Variants in SMOC2 observed in about 807,000 individuals in gnomAD.
The protein encoded by SMOC2 is SPARC related modular calcium binding 2, also known as SPARC-related modular calcium-binding protein 2.
SMOC2 carries 39 observed loss-of-function variants against 61.4 expected under a neutral mutation model. The ratio of observed to expected loss-of-function variants is 0.64; its 90% CI spans 0.49 to 0.83. The LOEUF is 0.83. SMOC2 is among the 40% of genes least tolerant of loss of function. The probability of loss-of-function intolerance (pLI) is 0.00; values close to 1 mark genes in which losing one functional copy is unlikely to be tolerated. For missense variants in SMOC2, 556 were observed against 592.9 expected (o/e 0.94, Z 0.65); for synonymous variants, 247 against 239.9 (o/e 1.03, Z -0.27).
intron 9 of SMOC2, among the ~76,000 whole-genome samples, chr6:168,639,514 C>G (rs1342619769): frequency 1.3e-5 from 2 of 152,108 alleles, no homozygotes; most frequent in Non-Finnish European, 2.9e-5. Context: ...TGGGAACATT[C>G]CAGATCTTTT....
At position 168,527,778 on chromosome 6, in the gene SMOC2, C is replaced by G. The variant is rs972722267; in HGVS notation, c.463+51C>G. ...GGAAGGCTTGAAGGGAATTGGTTTG[C>G]CGTTTCTTCTCATCATCTTCCCTGG... is the stretch of plus-strand genomic sequence containing the variant. On this transcript the variant is annotated intron_variant, in intron 4 of 12. Transcript: ENST00000356284. The G allele has an allele frequency of 1.2e-5, 15 of 1,246,954 alleles. No individual in the cohort carries two copies. In the African/African-American group the frequency reaches 1.8e-4, roughly 15 times the overall value. 77.2% of individuals were successfully genotyped at this position (1,246,954 alleles called of 1,614,324 possible). A position where few individuals can be genotyped will look rare whatever the true frequency, so the allele number is the denominator to read the frequency against.
At chr6:168,504,147 C>A (rs1782807344) in intron 1 of SMOC2, among the ~76,000 whole-genome samples, 1 of 152,004 alleles carries the variant, frequency 6.6e-6, no homozygotes, top group Non-Finnish European at 1.5e-5. Context: ...GCTCACATGG[C>A]TTCTCATCCA....
chr6:168,459,118 G>A (rs1583031251), intron 1 of SMOC2, among the ~76,000 whole-genome samples: 1 of 152,176 alleles, frequency 6.6e-6, no homozygotes, highest in Admixed American at 6.5e-5. Flanking sequence ...TGCAGATGAG[G>A]AACTTGAGAC....
chr6:168,655,256 T>G (rs572074356), intron 11 of SMOC2: 1 of 381,148 alleles, frequency 2.6e-6, no homozygotes, highest in Non-Finnish European at 5.3e-6. Flanking sequence ...ACCCTGCACC[T>G]GAGCTCCAAC....
At chr6:168,450,345 G>T (rs1781432328) in intron 1 of SMOC2, among the ~76,000 whole-genome samples, 1 of 152,228 alleles carries the variant, frequency 6.6e-6, no homozygotes, top group Non-Finnish European at 1.5e-5. Flanking sequence ...AATGCTGAAA[G>T]GGTTTGTGTT....
chr6:168,478,758 T>G (rs1782143520), intron 1 of SMOC2, among the ~76,000 whole-genome samples: 1 of 152,158 alleles, frequency 6.6e-6, no homozygotes, highest in Non-Finnish European at 1.5e-5. Context: ...GTATCTGGTC[T>G]AGAACAGCCC....
At chr6:168,636,963 CTCCTCCCTCCTGCTT>C (rs1786754820) in intron 9 of SMOC2, among the ~76,000 whole-genome samples, 1 of 135,630 alleles carries the variant, frequency 7.4e-6, no homozygotes, top group Admixed American at 7.2e-5. Flanking sequence ...TCTTTCCTCC[CTCCTCCCTCCTGCTT>C]TCCTCCCTCC....
At chr6:168,567,500 C>CGTGT (rs201622209) in intron 7 of SMOC2, among the ~76,000 whole-genome samples, 6 of 148,708 alleles carry the variant, frequency 4.0e-5, no homozygotes, top group African/African-American at 1.5e-4. Flanking sequence ...TTTATTTGTG[C>CGTGT]GTGTGTGTGT....
Position 168,653,184 on chromosome 6 carries a change from G to A in SMOC2, c.1241G>A (p.Gly414Asp), listed in dbSNP as rs767370970. ...ISVQELMGCL[G>D]VAKEDGKADT... is the part of the protein sequence containing the mutation. The stretch of plus-strand genomic sequence containing the variant: ...GTACAAGAACTGATGGGCTGCCTGG[G>A]CGTGGCGAAAGAGGACGGCAAAGCG... Residue 414 changes from glycine to aspartate, a missense_variant, in exon 11 of 13, where the codon GGC becomes GAC. Physicochemically the swap from Gly to Asp is moderately conservative, Grantham distance 94 (BLOSUM62 -1). Transcript: ENST00000356284. 4 of 1,614,116 alleles carry A rather than the reference G, an allele frequency of 2.5e-6. No homozygotes were observed. The highest frequency in any genetic ancestry group is 2.5e-6 in the Non-Finnish European group (3 of 1,179,998).
Position 168,573,786 on chromosome 6 carries a change from C to T in SMOC2, c.637+24583C>T, listed in dbSNP as rs143871526. Among the ~76,000 whole-genome samples, 844 of 152,288 alleles carry T rather than the reference C, an allele frequency of 5.5e-3. 4 individuals carry two copies. Among genetic ancestry groups the T allele is most frequent in the Middle Eastern group, 0.014 (4 of 294 alleles). On this transcript the variant is annotated intron_variant, in intron 7 of 12. Transcript: ENST00000356284. ...AGCCTCATTCTCAGGCAGGTGCCCC[C>T]GACGTGGGGGCCCACAGGTTTCATT...
intron 9 of SMOC2, among the ~76,000 whole-genome samples, chr6:168,623,227 A>G (rs1786289042): frequency 6.6e-6 from 1 of 152,176 alleles, no homozygotes; most frequent in African/African-American, 2.4e-5. Context: ...GCAATACTCT[A>G]AAAGGACAGA....
chr6:168,530,988 G>T (rs532561607), intron 4 of SMOC2, among the ~76,000 whole-genome samples: 6 of 152,238 alleles, frequency 3.9e-5, no homozygotes, highest in African/African-American at 1.4e-4. Context: ...TGATGAAAAG[G>T]TCCAGTGCCT....
chr6:168,631,593 C>T (rs150314058), intron 9 of SMOC2, among the ~76,000 whole-genome samples: 68 of 152,282 alleles, frequency 4.5e-4, no homozygotes, highest in African/African-American at 5.5e-4. Flanking sequence ...ACTAACAGTA[C>T]GTGCTTGGGA....
chr6:168,582,517 G>A (rs966554758), intron 7 of SMOC2, among the ~76,000 whole-genome samples: 1 of 152,126 alleles, frequency 6.6e-6, no homozygotes, highest in Non-Finnish European at 1.5e-5. Context: ...GGCAGTGCCC[G>A]AAATGCAGGC....
chr6:168,565,023 A>G (rs1299893883), intron 7 of SMOC2, among the ~76,000 whole-genome samples: 2 of 152,234 alleles, frequency 1.3e-5, no homozygotes, highest in African/African-American at 4.8e-5. Flanking sequence ...AGGCAATCCT[A>G]TTTTAAAAGG....
At chr6:168,515,587 G>C (rs1783111104) in intron 2 of SMOC2, among the ~76,000 whole-genome samples, 1 of 7,066 alleles carries the variant, frequency 1.4e-4, no homozygotes, top group East Asian at 0.05. Context: ...CTGGCTCGTG[G>C]CGGAAGACGG....
intron 9 of SMOC2, among the ~76,000 whole-genome samples, chr6:168,611,774 G>T (rs561936207): frequency 6.6e-6 from 1 of 152,198 alleles, no homozygotes; most frequent in Non-Finnish European, 1.5e-5. Context: ...TCCCGTGTCT[G>T]AGCCTTGCTG....
intron 4 of SMOC2, among the ~76,000 whole-genome samples, chr6:168,528,419 A>G (rs1352732990): frequency 2.0e-5 from 3 of 152,246 alleles, no homozygotes; most frequent in South Asian, 4.1e-4. Flanking sequence ...TTCCTGGATC[A>G]TATGTATTAA....
chr6:168,582,149 T>C lies in SMOC2; in HGVS notation c.638-16669T>C, dbSNP rs148476655. The stretch of plus-strand genomic sequence containing the variant: ...CGGGAGCTAAACGGTGGTTATTTTG[T>C]TGTAGGGATCCCATGGATGGGTTTT... On this transcript the variant is annotated intron_variant, in intron 7 of 12. Coordinates refer to ENST00000356284, the MANE Select transcript of SMOC2 (RefSeq NM_001166412.2). Among the ~76,000 whole-genome samples the C allele has an allele frequency of 7.5e-3, 1,146 of 152,276 alleles. 8 individuals carry two copies. The highest frequency in any genetic ancestry group is 9.6e-3 in the Non-Finnish European group (650 of 68,024).
Sources: allele counts gnomAD v4.1 joint callset (sites outside exome capture counted in the v4.1 genomes callset), GRCh38; gene constraint gnomAD v4.1.1; transcripts MANE v1.5; gene names NCBI Gene and HGNC (gene_info 2026-07-23, HGNC 2026-07-21).